Variants in EDIL3 observed in about 807,000 individuals in gnomAD.
The protein encoded by EDIL3 is EGF-like repeat and discoidin I-like domain-containing protein 3.
Under a neutral mutation model 67.4 loss-of-function variants are expected in EDIL3, and 37 were observed. That is an observed-to-expected ratio of 0.55 (90% CI 0.42 to 0.72). The LOEUF (loss-of-function observed/expected upper bound fraction) is 0.72. EDIL3 is among the 30% of genes least tolerant of loss of function. EDIL3 has a pLI of 0.00. For missense variants in EDIL3, 527 were observed against 586.3 expected, an observed-to-expected ratio of 0.90 and a Z score of 1.04; for synonymous variants, 195 against 196.3, an observed-to-expected ratio of 0.99 and a Z score of 0.05.
chr5:83,988,586 G>T (rs1462174066), intron 9 of EDIL3, among the ~76,000 whole-genome samples: 1 of 152,004 alleles, frequency 6.6e-6, no homozygotes, highest in Non-Finnish European at 1.5e-5. Flanking sequence ...GGGTATTCCT[G>T]GAAAATCCTG....
chr5:84,221,674 C>A (rs1744345122), intron 3 of EDIL3, among the ~76,000 whole-genome samples: 1 of 151,952 alleles, frequency 6.6e-6, no homozygotes, highest in Admixed American at 6.6e-5. Context: ...CTCTGAGAAT[C>A]TACAAATAAT....
intron 1 of EDIL3, among the ~76,000 whole-genome samples, chr5:84,295,890 A>C (rs185289753): frequency 6.1e-4 from 93 of 152,284 alleles, no homozygotes; most frequent in Non-Finnish European, 9.0e-4. Context: ...TATAGGAAGG[A>C]AATTATAGGT....
intron 3 of EDIL3, among the ~76,000 whole-genome samples, chr5:84,189,802 T>C (rs1311294943): frequency 1.3e-5 from 2 of 152,034 alleles, no homozygotes; most frequent in Admixed American, 6.6e-5. Context: ...CATCTTTTAG[T>C]TGGCCAATAA....
At chr5:84,120,056 A>T (rs348908) in intron 5 of EDIL3, among the ~76,000 whole-genome samples, 98,742 of 151,302 alleles carry the variant, frequency 0.65, 32,935 homozygotes, top group Admixed American at 0.75. Context: ...TGAGATTTTT[A>T]AAAAAAACTA....
chr5:84,236,542 T>C (rs1744686330), intron 2 of EDIL3, among the ~76,000 whole-genome samples: 1 of 152,058 alleles, frequency 6.6e-6, no homozygotes, highest in Non-Finnish European at 1.5e-5. Context: ...TATTTCAGTC[T>C]CCAGATATTC....
chr5:84,130,362 AT>A (rs1175037729), intron 5 of EDIL3, among the ~76,000 whole-genome samples: 2 of 152,136 alleles, frequency 1.3e-5, no homozygotes, highest in African/African-American at 4.8e-5. Context: ...GAATGAGTTT[AT>A]TCATGTATGT....
intron 1 of EDIL3, among the ~76,000 whole-genome samples, chr5:84,325,007 A>G (rs1327041719): frequency 6.6e-6 from 1 of 151,810 alleles, no homozygotes; most frequent in Non-Finnish European, 1.5e-5. Context: ...ATTTTCCATT[A>G]TTTTCCAAAA....
chr5:84,029,075 G>A (rs1013778769), intron 9 of EDIL3, among the ~76,000 whole-genome samples: 8 of 152,110 alleles, frequency 5.3e-5, no homozygotes, highest in African/African-American at 1.7e-4. Flanking sequence ...GGCTAACATG[G>A]TGAAACCCCA....
At chr5:84,040,072 T>C (rs1315837184) in intron 9 of EDIL3, among the ~76,000 whole-genome samples, 2 of 152,176 alleles carry the variant, frequency 1.3e-5, no homozygotes, top group South Asian at 4.1e-4. Flanking sequence ...AATAAGAATA[T>C]TGAGATAGTA....
At chr5:84,369,260 A>G (rs981473519) in intron 1 of EDIL3, among the ~76,000 whole-genome samples, 2 of 151,636 alleles carry the variant, frequency 1.3e-5, no homozygotes, top group Non-Finnish European at 2.9e-5. Flanking sequence ...ATATACACAC[A>G]CATATAAATA....
chr5:84,100,065 G>A (rs1747334192), intron 6 of EDIL3, among the ~76,000 whole-genome samples: 1 of 152,102 alleles, frequency 6.6e-6, no homozygotes, highest in African/African-American at 2.4e-5. Context: ...TCATTAAAAA[G>A]TCAGGAAACA....
Position 84,281,485 on chromosome 5 carries a change from C to T in EDIL3, c.68-27273G>A, listed in dbSNP as rs1282016340. On this transcript the variant is annotated intron_variant, in intron 1 of 10. Coordinates refer to ENST00000296591, the MANE Select transcript of EDIL3 (RefSeq NM_005711.5). ...CTCATGTTTCCATCTTATCCTAATGCCATAATCCACATGAAACACTCAGCA... is the reference window on the plus strand; with the variant it reads ...CTCATGTTTCCATCTTATCCTAATGTCATAATCCACATGAAACACTCAGCA... 2.6e-5 allele frequency among the ~76,000 whole-genome samples: 4 copies of T among 152,306 alleles called. No homozygotes were observed. In the East Asian group the frequency reaches 5.8e-4, roughly 22 times the overall value.
chr5:84,299,100 G>C (rs1306337060), intron 1 of EDIL3, among the ~76,000 whole-genome samples: 1 of 152,200 alleles, frequency 6.6e-6, no homozygotes, highest in Non-Finnish European at 1.5e-5. Flanking sequence ...AGAATATTCT[G>C]TAAGTAGGTT....
At chr5:84,160,249 G>C (rs918767952) in intron 4 of EDIL3, among the ~76,000 whole-genome samples, 1 of 152,012 alleles carries the variant, frequency 6.6e-6, no homozygotes, top group Non-Finnish European at 1.5e-5. Context: ...ATACAAGCAA[G>C]TTATCTTATT....
At chr5:84,301,255 C>T (rs181605559) in intron 1 of EDIL3, among the ~76,000 whole-genome samples, 5 of 134,194 alleles carry the variant, frequency 3.7e-5, no homozygotes, top group East Asian at 2.1e-4. Context: ...GCAACAAGAG[C>T]GAAATTCTGT....
intron 1 of EDIL3, among the ~76,000 whole-genome samples, chr5:84,297,102 A>G (rs1171199530): frequency 1.3e-5 from 2 of 149,982 alleles, no homozygotes; most frequent in Non-Finnish European, 3.0e-5. Context: ...GAATGGTGTG[A>G]ACCCAGGAGG....
intron 3 of EDIL3, among the ~76,000 whole-genome samples, chr5:84,229,302 A>C (rs1267583539): frequency 6.6e-6 from 1 of 152,194 alleles, no homozygotes; most frequent in East Asian, 1.9e-4. Flanking sequence ...TAGCTGGATA[A>C]GGAACTAAGT....
At chr5:84,007,960 T>C (rs1200180476) in intron 9 of EDIL3, among the ~76,000 whole-genome samples, 1 of 152,114 alleles carries the variant, frequency 6.6e-6, no homozygotes, top group Non-Finnish European at 1.5e-5. Flanking sequence ...AAAAAATGGA[T>C]ACCCTGTCAT....
intron 10 of EDIL3, among the ~76,000 whole-genome samples, chr5:83,959,237 G>A (rs530352448): frequency 3.5e-4 from 52 of 146,688 alleles, no homozygotes; most frequent in Admixed American, 4.1e-4. Flanking sequence ...ATATATATAC[G>A]TATATATATA....
Sources: gnomAD v4.1 joint callset for allele counts (sites outside exome capture counted in the v4.1 genomes callset) on GRCh38, gnomAD v4.1.1 for gene constraint, MANE v1.5 for transcripts, NCBI Gene and HGNC (gene_info 2026-07-23, HGNC 2026-07-21) for gene names.